Variants in LDLRAD4 observed in about 807,000 individuals in gnomAD.
The protein encoded by LDLRAD4 is low density lipoprotein receptor class A domain containing 4, also known as low-density lipoprotein receptor class A domain-containing protein 4.
In LDLRAD4, 5 loss-of-function variants were observed where a neutral mutation model predicts 17.0. The ratio of observed to expected loss-of-function variants is 0.29; its 90% CI spans 0.15 to 0.62. The LOEUF is 0.62. Among genes scored for constraint, LDLRAD4 ranks in the 20% least tolerant of loss-of-function variants. LDLRAD4 has a pLI of 0.84. For missense variants in LDLRAD4, 340 were observed against 424.7 expected (o/e 0.80, Z 1.75); for synonymous variants, 168 against 171.8 (o/e 0.98, Z 0.17).
intron 1 of LDLRAD4, among the ~76,000 whole-genome samples, chr18:13,330,613 T>G (rs956680695): frequency 6.6e-6 from 1 of 152,202 alleles, no homozygotes; most frequent in African/African-American, 2.4e-5. Flanking sequence ...ATCTGTGATA[T>G]TATAAAATAT....
chr18:13,252,657 G>A lies in LDLRAD4; in HGVS notation c.-466-25448G>A, dbSNP rs558951674. Among the ~76,000 whole-genome samples the A allele has an allele frequency of 5.9e-5, 9 of 152,370 alleles. No homozygotes were observed. In the East Asian group the frequency reaches 1.7e-3, roughly 29 times the overall value. On this transcript the variant is annotated intron_variant, in intron 1 of 5. Transcript: ENST00000399848. ...TGGTGCCCCCCACCATACTGGGCAC[G>A]GTGGGACTGCCGCAGATGTGATGGA...
At chr18:13,599,844 A>G (rs566532776) in intron 3 of LDLRAD4, among the ~76,000 whole-genome samples, 1 of 152,218 alleles carries the variant, frequency 6.6e-6, no homozygotes, top group Non-Finnish European at 1.5e-5. Flanking sequence ...CACAATATAT[A>G]TGTGGACAAG....
At chr18:13,559,302 CAACA>C (rs1190012954) in intron 3 of LDLRAD4, among the ~76,000 whole-genome samples, 3 of 152,162 alleles carry the variant, frequency 2.0e-5, no homozygotes, top group South Asian at 4.1e-4. Context: ...AGCCCCTCAC[CAACA>C]AACAAACAAA....
intron 1 of LDLRAD4, among the ~76,000 whole-genome samples, chr18:13,283,958 A>T (rs1243915452): frequency 2.6e-5 from 4 of 152,174 alleles, no homozygotes; most frequent in African/African-American, 9.7e-5. Flanking sequence ...AAACAAACCT[A>T]TCAGATCTCG....
intron 3 of LDLRAD4, among the ~76,000 whole-genome samples, chr18:13,492,732 G>A (rs2093384221): frequency 6.6e-6 from 1 of 152,106 alleles, no homozygotes; most frequent in African/African-American, 2.4e-5. Context: ...CTGGGCAGTG[G>A]GGTGCCCTGG....
chr18:13,286,184 C>T (rs1379785765), intron 1 of LDLRAD4, among the ~76,000 whole-genome samples: 1 of 152,188 alleles, frequency 6.6e-6, no homozygotes, highest in Non-Finnish European at 1.5e-5. Flanking sequence ...TGGAATCATG[C>T]AGTATTTGTC....
chr18:13,469,528 C>T (rs972643176), intron 3 of LDLRAD4, among the ~76,000 whole-genome samples: 3 of 152,110 alleles, frequency 2.0e-5, no homozygotes, highest in Non-Finnish European at 2.9e-5. Flanking sequence ...GGTATATACA[C>T]GTGATGAAAT....
chr18:13,500,383 G>T (rs903038969), intron 3 of LDLRAD4, among the ~76,000 whole-genome samples: 12 of 152,236 alleles, frequency 7.9e-5, no homozygotes, highest in Non-Finnish European at 1.6e-4. Context: ...GACAGCACTG[G>T]GTCTTAGGTG....
chr18:13,607,038 A>ATCG (rs2095231571), intron 3 of LDLRAD4, among the ~76,000 whole-genome samples: 1 of 152,216 alleles, frequency 6.6e-6, no homozygotes, highest in African/African-American at 2.4e-5. Context: ...AAAGTAAGTC[A>ATCG]TCATCAGTCC....
chr18:13,594,388 A>C (rs1408277097), intron 3 of LDLRAD4, among the ~76,000 whole-genome samples: 6 of 152,136 alleles, frequency 3.9e-5, no homozygotes, highest in Admixed American at 3.9e-4. Flanking sequence ...AGGGAACATT[A>C]ATGCTGAAAT....
intron 3 of LDLRAD4, among the ~76,000 whole-genome samples, chr18:13,588,272 G>A (rs2094961277): frequency 6.6e-6 from 1 of 152,092 alleles, no homozygotes; most frequent in African/African-American, 2.4e-5. Flanking sequence ...GCTTGGGAGG[G>A]GCTTTCTTCT....
intron 1 of LDLRAD4, among the ~76,000 whole-genome samples, chr18:13,291,111 T>C (rs2045936945): frequency 6.6e-6 from 1 of 152,200 alleles, no homozygotes; most frequent in South Asian, 2.1e-4. Flanking sequence ...GGCCTCTGAG[T>C]CACAGCACAG....
intron 3 of LDLRAD4, among the ~76,000 whole-genome samples, chr18:13,527,172 T>C (rs998965278): frequency 2.1e-4 from 32 of 152,246 alleles, no homozygotes; most frequent in Admixed American, 2.0e-3. Flanking sequence ...TGGAGAAGGC[T>C]GTGAGGCAGA....
chr18:13,357,426 G>A (rs570099755), intron 1 of LDLRAD4, among the ~76,000 whole-genome samples: 2 of 151,824 alleles, frequency 1.3e-5, no homozygotes, highest in East Asian at 3.9e-4. Context: ...AAAAAAAAAA[G>A]GAAGTTTATT....
chr18:13,514,321 T>TGTGG (rs1568282538), intron 3 of LDLRAD4, among the ~76,000 whole-genome samples: 2 of 152,256 alleles, frequency 1.3e-5, no homozygotes, highest in South Asian at 4.1e-4. Flanking sequence ...ACATAATTAC[T>TGTGG]GTGGGAATTA....
chr18:13,289,300 T>C (rs2045833609), intron 1 of LDLRAD4, among the ~76,000 whole-genome samples: 1 of 152,232 alleles, frequency 6.6e-6, no homozygotes, highest in South Asian at 2.1e-4. Context: ...TCTCATTGCA[T>C]AGGTGTATAA....
At chr18:13,219,841 C>T (rs1397075594) in intron 1 of LDLRAD4, among the ~76,000 whole-genome samples, 2 of 152,214 alleles carry the variant, frequency 1.3e-5, no homozygotes, top group Non-Finnish European at 2.9e-5. Context: ...AAAGTCTGCA[C>T]AGGGAGACTG....
At chr18:13,288,123 T>C (rs1196859940) in intron 1 of LDLRAD4, among the ~76,000 whole-genome samples, 2 of 152,248 alleles carry the variant, frequency 1.3e-5, no homozygotes, top group African/African-American at 2.4e-5. Context: ...TTTACTTCTG[T>C]AGTAATCCTA....
At chr18:13,413,053 A>G (rs1802032098) in intron 2 of LDLRAD4, among the ~76,000 whole-genome samples, 1 of 152,204 alleles carries the variant, frequency 6.6e-6, no homozygotes, top group South Asian at 2.1e-4. Flanking sequence ...GGCAACAGCC[A>G]CCACCAGCAG....
Sources: gnomAD v4.1 joint callset for allele counts (sites outside exome capture counted in the v4.1 genomes callset) on GRCh38, gnomAD v4.1.1 for gene constraint, MANE v1.5 for transcripts, NCBI Gene and HGNC (gene_info 2026-07-23, HGNC 2026-07-21) for gene names.